PHACTR1: variants seen among roughly 807,000 people sequenced by gnomAD.
The protein encoded by PHACTR1 is phosphatase and actin regulator 1, also known as RPEL repeat containing 1.
A neutral mutation model predicts 69.2 loss-of-function variants in PHACTR1; 16 were observed. That is an observed-to-expected ratio of 0.23 (90% CI 0.16 to 0.35). PHACTR1 has a LOEUF of 0.35. PHACTR1 is among the 10% of genes least tolerant of loss of function. PHACTR1 has a pLI of 1.00. For missense variants in PHACTR1, 510 were observed against 734.7 expected, an observed-to-expected ratio of 0.69 and a Z score of 3.54; for synonymous variants, 312 against 284.5, an observed-to-expected ratio of 1.10 and a Z score of -0.97.
intron 12 of PHACTR1, chr6:13,279,540 A>G (rs1779698861): frequency 6.6e-6 from 1 of 152,256 alleles, no homozygotes; most frequent in Admixed American, 6.5e-5. Flanking sequence ...TATCATACCA[A>G]TTATTAAGGT....
At chr6:13,195,797 A>C (rs1244144693) in intron 7 of PHACTR1, among the ~76,000 whole-genome samples, 2 of 141,718 alleles carry the variant, frequency 1.4e-5, no homozygotes, top group African/African-American at 5.2e-5. Context: ...TTGTGGTGGT[A>C]AGAAGAGAGG....
intron 5 of PHACTR1, among the ~76,000 whole-genome samples, chr6:13,058,141 C>T (rs1807085191): frequency 6.6e-6 from 1 of 152,142 alleles, no homozygotes; most frequent in Non-Finnish European, 1.5e-5. Flanking sequence ...CCACACCTGC[C>T]CCAGGAATGA....
At chr6:12,999,513 T>G (rs975099693) in intron 4 of PHACTR1, among the ~76,000 whole-genome samples, 3 of 152,282 alleles carry the variant, frequency 2.0e-5, no homozygotes, top group South Asian at 4.2e-4. Context: ...GACAGAGAAT[T>G]TTTTGAATCC....
intron 5 of PHACTR1, among the ~76,000 whole-genome samples, chr6:13,085,004 A>T (rs746555838): frequency 6.6e-6 from 1 of 152,130 alleles, no homozygotes; most frequent in Non-Finnish European, 1.5e-5. Flanking sequence ...AATAAATCCA[A>T]ATATGTCCGC....
intron 4 of PHACTR1, among the ~76,000 whole-genome samples, chr6:12,902,209 T>G (rs6915983): frequency 0.56 from 85,172 of 151,928 alleles, 25,843 homozygotes; most frequent in East Asian, 0.96. Context: ...GATCACCTGA[T>G]GTCAGGAGTT....
chr6:13,141,884 G>T (rs1343891277), intron 5 of PHACTR1, among the ~76,000 whole-genome samples: 2 of 151,822 alleles, frequency 1.3e-5, no homozygotes, highest in East Asian at 3.9e-4. Context: ...AAATACAGAA[G>T]AATAATTCAT....
At chr6:12,740,796 T>C (rs1764931671) in intron 3 of PHACTR1, among the ~76,000 whole-genome samples, 1 of 152,086 alleles carries the variant, frequency 6.6e-6, no homozygotes, top group African/African-American at 2.4e-5. Flanking sequence ...GAAAGATGCT[T>C]GTAATATTCT....
chr6:13,278,189 G>C, intron 11 of PHACTR1, 79 bp from the exon 12 acceptor site: 5 of 1,370,192 alleles, frequency 3.6e-6, no homozygotes, highest in Non-Finnish European at 5.1e-6. Flanking sequence ...TTGGCCTAGA[G>C]CCTGCCAAGG....
chr6:12,717,187 C>G (rs1034332112), intron 1 of PHACTR1, among the ~76,000 whole-genome samples: 3 of 152,086 alleles, frequency 2.0e-5, no homozygotes, highest in Non-Finnish European at 4.4e-5. Context: ...CCCTAAACTC[C>G]CCCATTCCCT....
chr6:13,042,608 C>T (rs749059327), intron 4 of PHACTR1, among the ~76,000 whole-genome samples: 120 of 152,312 alleles, frequency 7.9e-4, no homozygotes, highest in Non-Finnish European at 1.4e-3. Context: ...ATCCACTAGT[C>T]TGAAGAGACA....
intron 5 of PHACTR1, among the ~76,000 whole-genome samples, chr6:13,155,147 G>T (rs910764052): frequency 4.6e-5 from 7 of 152,060 alleles, no homozygotes; most frequent in African/African-American, 1.5e-4. Flanking sequence ...GTCTTAGAAG[G>T]CCTCTGAGAT....
intron 5 of PHACTR1, among the ~76,000 whole-genome samples, chr6:13,140,394 TGACAG>T (rs1822255511): frequency 6.6e-6 from 1 of 152,186 alleles, no homozygotes; most frequent in African/African-American, 2.4e-5. Context: ...AAGTGTCTAT[TGACAG>T]ATGAATGGAT....
At chr6:12,904,084 A>G (rs894153322) in intron 4 of PHACTR1, among the ~76,000 whole-genome samples, 3 of 152,196 alleles carry the variant, frequency 2.0e-5, no homozygotes, top group Middle Eastern at 3.2e-3. Context: ...ATTCTTTTAC[A>G]TATCTCCAGC....
rs183195193 is a variant in PHACTR1 at position 12,744,007 on chromosome 6, C to T, written c.104-5637C>T. Among the ~76,000 whole-genome samples, 438 of 152,314 alleles carry T rather than the reference C, an allele frequency of 2.9e-3. 1 individual carries two copies. Among genetic ancestry groups the T allele is most frequent in the African/African-American group, 0.01 (421 of 41,570 alleles). ...AGAACTCAGGATTAAGAAACTCACT[C>T]AAAACCGCTCAACTACATGGAAACT... On this transcript the variant is annotated intron_variant, in intron 3 of 14. Coordinates refer to ENST00000332995, the MANE Select transcript of PHACTR1 (RefSeq NM_030948.6).
At chr6:12,751,979 T>C (rs1009644148) in intron 4 of PHACTR1, among the ~76,000 whole-genome samples, 1 of 152,170 alleles carries the variant, frequency 6.6e-6, no homozygotes, top group African/African-American at 2.4e-5. Flanking sequence ...CCTCCTGTGA[T>C]GGAATCCCGA....
At chr6:12,850,165 C>T (rs942823251) in intron 4 of PHACTR1, among the ~76,000 whole-genome samples, 12 of 152,216 alleles carry the variant, frequency 7.9e-5, no homozygotes, top group African/African-American at 2.9e-4. Flanking sequence ...TTTATCTCTA[C>T]TCCCTATTCT....
At chr6:13,190,614 A>G (rs1194162738) in intron 7 of PHACTR1, among the ~76,000 whole-genome samples, 2 of 152,118 alleles carry the variant, frequency 1.3e-5, no homozygotes, top group Non-Finnish European at 2.9e-5. Flanking sequence ...AACAGACCCA[A>G]AGGAGACAGT....
chr6:12,904,883 T>A (rs143454582), intron 4 of PHACTR1, among the ~76,000 whole-genome samples: 2 of 152,288 alleles, frequency 1.3e-5, no homozygotes, highest in African/African-American at 4.8e-5. Flanking sequence ...CAATAGTGAT[T>A]TTGTTGAGAT....
chr6:12,865,980 C>T (rs575214519), intron 4 of PHACTR1, among the ~76,000 whole-genome samples: 3 of 152,096 alleles, frequency 2.0e-5, no homozygotes, highest in Non-Finnish European at 2.9e-5. Flanking sequence ...AGAAAGGCAC[C>T]GCCTCCAACA....
Sources: allele counts gnomAD v4.1 joint callset (sites outside exome capture counted in the v4.1 genomes callset), GRCh38; gene constraint gnomAD v4.1.1; transcripts MANE v1.5; gene names NCBI Gene and HGNC (gene_info 2026-07-23, HGNC 2026-07-21).